Variants in LCP1 observed in about 807,000 individuals in gnomAD.
The protein encoded by LCP1 is plastin-2.
A neutral mutation model predicts 72.0 loss-of-function variants in LCP1; 23 were observed. The ratio of observed to expected loss-of-function variants is 0.32; its 90% confidence interval spans 0.23 to 0.45. LCP1 has a LOEUF of 0.45. Ranked by LOEUF, LCP1 falls within the 20% of genes least tolerant of loss-of-function variation. LCP1 has a pLI of 1.00. For missense variants in LCP1, 571 were observed against 748.3 expected, an observed-to-expected ratio of 0.76 and a Z score of 2.76; for synonymous variants, 245 against 275.4, an observed-to-expected ratio of 0.89 and a Z score of 1.09.
chr13:46,127,736 A>G lies in LCP1; in HGVS notation c.1752-13T>C, dbSNP rs2138209754. The G allele has an allele frequency of 6.2e-7, 1 of 1,614,120 alleles. No individual in the cohort carries two copies. Among genetic ancestry groups the G allele is most frequent in the Non-Finnish European group, 8.5e-7 (1 of 1,180,000 alleles). ...AGAGATGGCATATCTAAAAGGGAGA[A>G]AAGAGGAAAAATAAGGAGAGCCTGA... On this transcript the variant is annotated splice_polypyrimidine_tract_variant and intron_variant, in intron 15 of 15. Transcript: ENST00000323076.
chr13:46,159,737 A>C, intron 1 of LCP1, 51 bp from the exon 2 acceptor site: 6 of 1,057,120 alleles, frequency 5.7e-6, no homozygotes, highest in Admixed American at 1.9e-5. Flanking sequence ...TGAATTCTTA[A>C]AATACCACAT....
chr13:46,153,340 T>C (rs1454698682), intron 6 of LCP1: 1 of 154,644 alleles, frequency 6.5e-6, no homozygotes, highest in East Asian at 1.9e-4. Flanking sequence ...ATAAGACAAT[T>C]GTTGATGTAA....
intron 14 of LCP1, among the ~76,000 whole-genome samples, chr13:46,132,579 A>C (rs2045640667): frequency 6.6e-6 from 1 of 152,192 alleles, no homozygotes; most frequent in Admixed American, 6.5e-5. Flanking sequence ...GAGCCCATTC[A>C]ATATCTAGAG....
At chr13:46,143,936 G>A (rs1283743152) in intron 11 of LCP1, among the ~76,000 whole-genome samples, 1 of 152,126 alleles carries the variant, frequency 6.6e-6, no homozygotes, top group Non-Finnish European at 1.5e-5. Context: ...CATGGTGGCA[G>A]GTGCCTGAAG....
Position 46,126,508 on chromosome 13 carries a change from T to C in LCP1, c.*1083A>G, listed in dbSNP as rs2045599166. 2 of 232,326 alleles carry C rather than the reference T, an allele frequency of 8.6e-6. No individual in the cohort carries two copies. Among genetic ancestry groups the C allele is most frequent in the Non-Finnish European group, 8.5e-6 (1 of 117,248 alleles). The allele number at this position is 232,326 out of a possible 1,614,324, so 14.4% of individuals were successfully genotyped here. ...GGGTGCTATTGATTGGCACATATTG[T>C]CCCCCCTGGAGTTTAGGGGTGGCAG... On this transcript the variant is annotated 3_prime_UTR_variant, in exon 16 of 16. Coordinates refer to ENST00000323076, the MANE Select transcript of LCP1 (RefSeq NM_002298.5).
At chr13:46,148,287 G>C in intron 9 of LCP1, 65 bp downstream of exon 9, 1 of 1,150,300 alleles carries the variant, frequency 8.7e-7, no homozygotes, top group Non-Finnish European at 1.3e-6. Context: ...GCCACACAAG[G>C]TAATGGAACT....
chr13:46,134,382 G>GA (rs2045651552), intron 13 of LCP1, 132 bp from the exon 14 acceptor site: 2 of 704,428 alleles, frequency 2.8e-6, no homozygotes, highest in Non-Finnish European at 4.6e-6. Flanking sequence ...ACATTTGAGA[G>GA]AAAAAAAGAA....
chr13:46,142,431 T>C lies in LCP1; in HGVS notation c.1369-6A>G. On this transcript the variant is annotated splice_polypyrimidine_tract_variant and splice_region_variant and intron_variant, in intron 12 of 15. Transcript: ENST00000323076. ...GCGTAGTTACAATTCTCAAGCTGAA[T>C]GAGCAGAAAGGAAAACGATTTAACG... 1 of 1,612,864 alleles carries C rather than the reference T, an allele frequency of 6.2e-7. No homozygotes were observed. Among genetic ancestry groups the C allele is most frequent in the Non-Finnish European group, 8.5e-7 (1 of 1,179,124 alleles).
At chr13:46,159,132 A>C (rs1244066275) in intron 2 of LCP1, 143 bp from the exon 3 acceptor site, 2 of 713,678 alleles carry the variant, frequency 2.8e-6, no homozygotes, top group South Asian at 3.5e-5. Flanking sequence ...AAGAGTCAGA[A>C]TCTCACAAGA....
rs200573006 is a variant in LCP1 at position 46,148,769 on chromosome 13, A to AAT, written c.883-324_883-323dup. On this transcript the variant is annotated intron_variant, in intron 8 of 15. Coordinates refer to ENST00000323076, the MANE Select transcript of LCP1 (RefSeq NM_002298.5). ...ACATGAATTAAATTGTATACAGGAA[A>AAT]ATATATATATACCTTTATATTGCTG... 3,450 of 846,410 alleles carry AAT rather than the reference A, an allele frequency of 4.1e-3. 15 individuals carry two copies. The highest frequency in any genetic ancestry group is 0.029 in the Admixed American group (541 of 18,844). 52.4% of individuals were successfully genotyped at this position (846,410 alleles called of 1,614,324 possible).
chr13:46,161,327 A>G (rs2045837243), intron 1 of LCP1, among the ~76,000 whole-genome samples: 1 of 152,248 alleles, frequency 6.6e-6, no homozygotes, highest in Admixed American at 6.5e-5. Context: ...CTTCATTTAA[A>G]TTTAAATGTA....
At position 46,156,530 on chromosome 13, in the gene LCP1, G is replaced by T. The variant is rs745949061; in HGVS notation, c.399C>A (p.Ala133=). 2.5e-6 allele frequency: 4 copies of T among 1,614,072 alleles called. No homozygotes were observed. Among genetic ancestry groups the T allele is most frequent in the Non-Finnish European group, 3.4e-6 (4 of 1,179,994 alleles). Residue 133 remains alanine (A), a synonymous_variant, in exon 5 of 16, where the codon GCC becomes GCA. Coordinates refer to ENST00000323076, the MANE Select transcript of LCP1 (RefSeq NM_002298.5). The stretch of plus-strand genomic sequence containing the variant: ...GCCGACAATCAGGATCATTTTCCAG[G>T]GCTTTGTTTATCCAGTTGACAAAGG... ...KYAFVNWINK[A]LENDPDCRHV...
chr13:46,169,722 C>A (rs1383143424), intron 1 of LCP1: 1 of 152,390 alleles, frequency 6.6e-6, no homozygotes, highest in African/African-American at 2.4e-5. Context: ...GTAGCTAGGA[C>A]TACAGGCGTG....
In LCP1 at chr13:46,133,224, G is replaced by A. The variant is rs570497961; in HGVS notation, c.1626+903C>T. Among the ~76,000 whole-genome samples, 90 of 152,224 alleles carry A rather than the reference G, an allele frequency of 5.9e-4. 2 individuals are homozygous for A. The South Asian group carries it at 0.018, about 30-fold the overall frequency. ...AATCATGGAGGTGCCCACATTTTAC[G>A]AATACTATCATAGTTTATATTACTT... On this transcript the variant is annotated intron_variant, in intron 14 of 15. Coordinates refer to ENST00000323076, the MANE Select transcript of LCP1 (RefSeq NM_002298.5).
At chr13:46,162,066 TATCTCAGAGAAGTTAAGATACAG>T (rs558940392) in intron 1 of LCP1, among the ~76,000 whole-genome samples, 164 of 152,186 alleles carry the variant, frequency 1.1e-3, no homozygotes, top group African/African-American at 3.8e-3. Flanking sequence ...CAGAAAACAG[TATCTCAGAGAAGTTAAGATACAG>T]ATCTCAAATC....
chr13:46,137,554 G>T (rs1339074051), intron 13 of LCP1, among the ~76,000 whole-genome samples: 1 of 152,074 alleles, frequency 6.6e-6, no homozygotes, highest in Admixed American at 6.6e-5. Context: ...AAAAAATTAG[G>T]CTAGAGCCTC....
Position 46,159,778 on chromosome 13 carries a change from A to C in LCP1, c.-24-92T>G, listed in dbSNP as rs1368025190. 4.0e-6 allele frequency: 3 copies of C among 744,160 alleles called. No homozygotes were observed. The African/African-American group carries it at 5.3e-5, about 13-fold the overall frequency. The allele number at this position is 744,160 out of a possible 1,614,324, so 46.1% of individuals were successfully genotyped here. A position where few individuals can be genotyped will look rare whatever the true frequency, so the allele number is the denominator to read the frequency against. Reference sequence around the variant, plus strand: ...AGCAATTCCCATTTATTACATGAAGAAATATTCTTCTGCATCCCCCATGAT... The same window carrying C: ...AGCAATTCCCATTTATTACATGAAGCAATATTCTTCTGCATCCCCCATGAT... On this transcript the variant is annotated intron_variant, in intron 1 of 15. Coordinates refer to ENST00000323076, the MANE Select transcript of LCP1 (RefSeq NM_002298.5).
rs9316183 is a variant in LCP1 at position 46,126,650 on chromosome 13, T to C, written c.*941A>G. ...ATTGCCTCCAAATGTTGACAGGTAT[T>C]AGCCATACCACAGTAACTAGATCTA... On this transcript the variant is annotated 3_prime_UTR_variant, in exon 16 of 16. Transcript: ENST00000323076. The C allele has an allele frequency of 1.0e-2, 2,311 of 231,804 alleles. 53 individuals are homozygous for C. Among genetic ancestry groups the C allele is most frequent in the African/African-American group, 0.045 (2,024 of 45,370 alleles). The allele number at this position is 231,804 out of a possible 1,614,324, so 14.4% of individuals were successfully genotyped here.
intron 1 of LCP1, 97 bp from the exon 2 acceptor site, chr13:46,159,783 T>C (rs560808669): frequency 4.4e-5 from 31 of 706,862 alleles, no homozygotes; most frequent in African/African-American, 4.1e-4. Flanking sequence ...TGAAGAAATA[T>C]TCTTCTGCAT....
Sources: allele counts gnomAD v4.1 joint callset (sites outside exome capture counted in the v4.1 genomes callset), GRCh38; gene constraint gnomAD v4.1.1; transcripts MANE v1.5; gene names NCBI Gene and HGNC (gene_info 2026-07-23, HGNC 2026-07-21).